TBC1D2: variants seen among roughly 807,000 people sequenced by gnomAD.
TBC1D2 encodes the protein TBC1 domain family member 2, also known as TBC1 domain family member 2A.
Under a neutral mutation model 91.1 loss-of-function variants are expected in TBC1D2, and 58 were observed. The observed-to-expected ratio is 0.64, with a 90% confidence interval of 0.52 to 0.79. The LOEUF (loss-of-function observed/expected upper bound fraction) is 0.79, where lower values mean the gene tolerates loss of function less well. Ranked by LOEUF, TBC1D2 falls within the 30% of genes least tolerant of loss-of-function variation. The probability of loss-of-function intolerance (pLI) is 0.00; values close to 1 mark genes in which losing one functional copy is unlikely to be tolerated. For missense variants in TBC1D2, 1,080 were observed against 1,208.3 expected (o/e 0.89, Z 1.57); for synonymous variants, 482 against 511.5 (o/e 0.94, Z 0.78).
chr9:98,230,888 A>G (rs1026388922), intron 4 of TBC1D2, among the ~76,000 whole-genome samples: 1 of 152,228 alleles, frequency 6.6e-6, no homozygotes, highest in Admixed American at 6.5e-5. Context: ...CTCAAAACAA[A>G]CGAACAAAAC....
rs778978870 is a variant in TBC1D2, at chr9:98,201,644, C to T, written c.2292G>A (p.Gln764=). 5.0e-6 allele frequency: 8 copies of T among 1,612,438 alleles called. No homozygotes were observed. The East Asian group carries it at 1.8e-4, about 36-fold the overall frequency. The part of the protein sequence containing the change: ...TASQVDQRVL[Q]DLLSEKLPRL... ...TGGGCAGCTTCTCCGAGAGCAGGTC[C>T]TGGAGCACCCGCTGGTCCACCTGGA... Residue 764 remains glutamine (Q), a synonymous_variant, in exon 11 of 13, where the codon CAG becomes CAA. Coordinates refer to ENST00000465784, the MANE Select transcript of TBC1D2 (RefSeq NM_001267571.2).
chr9:98,207,163 A>G (rs527595754), intron 9 of TBC1D2, among the ~76,000 whole-genome samples: 79 of 152,328 alleles, frequency 5.2e-4, no homozygotes, highest in Non-Finnish European at 9.4e-4. Flanking sequence ...GGAATTGTAC[A>G]TACACATGCT....
rs751295205 is a variant in TBC1D2 at position 98,221,135 on chromosome 9, G to A, written c.1072C>T (p.Arg358Trp). The change falls in exon 6 of 13, where the codon CGG becomes TGG. Residue 358 changes from arginine (R) to tryptophan (W), a missense_variant. Physicochemically the swap from Arg to Trp is moderately radical, Grantham distance 101 (BLOSUM62 -3). Coordinates refer to ENST00000465784, the MANE Select transcript of TBC1D2 (RefSeq NM_001267571.2). ...AYLAAAEDKD[R>W]LELVRHKVRQ... is the part of the protein sequence containing the mutation. ...ACTTTGTGCCGCACCAGCTCCAGCC[G>A]GTCCTTGTCCTCAGCCGCCGCCAGG... The A allele has an allele frequency of 8.2e-6, 13 of 1,587,522 alleles. No individual in the cohort carries two copies. Among genetic ancestry groups the A allele is most frequent in the Admixed American group, 3.6e-5 (2 of 55,418 alleles).
At chr9:98,230,250 A>T (rs1829334172) in intron 4 of TBC1D2, among the ~76,000 whole-genome samples, 1 of 152,186 alleles carries the variant, frequency 6.6e-6, no homozygotes, top group South Asian at 2.1e-4. Flanking sequence ...CTTATAAGAA[A>T]ATATGTTTTT....
chr9:98,203,234 A>C (rs1407998370), intron 10 of TBC1D2, 54 bp downstream of exon 10: 9 of 1,598,032 alleles, frequency 5.6e-6, no homozygotes, highest in Non-Finnish European at 7.7e-6. Flanking sequence ...TTCTAGGAAC[A>C]GCTCTGGGGC....
chr9:98,213,283 C>A, intron 6 of TBC1D2, 65 bp from the exon 7 acceptor site: 26 of 1,597,248 alleles, frequency 1.6e-5, no homozygotes, highest in Non-Finnish European at 2.1e-5. Context: ...TGGGGAGTCA[C>A]ACCCTCAAAT....
At chr9:98,233,588 C>T (rs1197827372) in intron 3 of TBC1D2, 39 bp from the exon 4 acceptor site, 2 of 1,607,316 alleles carry the variant, frequency 1.2e-6, no homozygotes, top group Non-Finnish European at 1.7e-6. Context: ...GAGGCTGAAC[C>T]CTGCCTTTCT....
In TBC1D2 at chr9:98,224,032, T is replaced by C. The variant is rs1207146196; in HGVS notation, c.979-2804A>G. 2.0e-5 allele frequency among the ~76,000 whole-genome samples: 3 copies of C among 151,904 alleles called. No homozygotes were observed. In the East Asian group the frequency reaches 5.9e-4, roughly 30 times the overall value. On this transcript the variant is annotated intron_variant, in intron 5 of 12. Transcript: ENST00000465784. ...GGCTAACATGGTGAAACCCCGTCTC[T>C]ACTAAAAATACAAAAAAATTAGCCA...
chr9:98,220,042 G>C (rs926138495), intron 6 of TBC1D2, among the ~76,000 whole-genome samples: 5 of 152,158 alleles, frequency 3.3e-5, no homozygotes, highest in African/African-American at 1.2e-4. Flanking sequence ...TGGTCCCTGT[G>C]GGGTGGGGAA....
At chr9:98,223,096 A>G (rs1256023631) in intron 5 of TBC1D2, among the ~76,000 whole-genome samples, 1 of 152,248 alleles carries the variant, frequency 6.6e-6, no homozygotes, top group East Asian at 1.9e-4. Flanking sequence ...GGGAATGAAC[A>G]TGACCCACCA....
In TBC1D2 at chr9:98,255,163, A is replaced by C; in HGVS notation, c.369+10T>G. 6.3e-7 allele frequency: 1 copy of C among 1,593,030 alleles called. No individual in the cohort carries two copies. The highest frequency in any genetic ancestry group is 8.6e-7 in the Non-Finnish European group (1 of 1,165,296). On this transcript the variant is annotated intron_variant, in intron 1 of 12. Transcript: ENST00000465784. ...CCGCTGGAAAGGAGAAAGTCGTTGC[A>C]GGAATTTACCTTCAGGGTAATAACC...
At chr9:98,234,393 G>C (rs1829451285) in intron 3 of TBC1D2, among the ~76,000 whole-genome samples, 1 of 152,160 alleles carries the variant, frequency 6.6e-6, no homozygotes, top group Non-Finnish European at 1.5e-5. Context: ...ACAGTTCAAG[G>C]AGTTTATTTT....
chr9:98,233,438 C>T lies in TBC1D2; in HGVS notation c.759G>A (p.Leu253=), dbSNP rs903433578. 1.5e-5 allele frequency: 25 copies of T among 1,613,914 alleles called. No homozygotes were observed. In the African/African-American group the frequency reaches 2.7e-4, roughly 17 times the overall value. ...CACCTGGGGTGCTGGCGTCAGAGGC[C>T]AAGGGCTGCTCCTCCCTCTGAGGCT... is the stretch of plus-strand genomic sequence containing the variant. ...SGEPQREEQP[L]ASDASTPGRE... Residue 253 remains leucine (L), a synonymous_variant, in exon 4 of 13, where the codon TTG becomes TTA. Coordinates refer to ENST00000465784, the MANE Select transcript of TBC1D2 (RefSeq NM_001267571.2).
intron 6 of TBC1D2, among the ~76,000 whole-genome samples, chr9:98,214,606 C>T (rs112438347): frequency 6.6e-6 from 1 of 151,500 alleles, no homozygotes; most frequent in Admixed American, 6.6e-5. Context: ...AGGATGACTC[C>T]GACGTGGCCA....
In TBC1D2 at chr9:98,240,829, C is replaced by A. The variant is rs80312870; in HGVS notation, c.647+3165G>T. Among the ~76,000 whole-genome samples, 811 of 152,336 alleles carry A rather than the reference C, an allele frequency of 5.3e-3. 4 individuals are homozygous for A. The highest frequency in any genetic ancestry group is 0.019 in the African/African-American group (780 of 41,566). ...TCCGGCTGGTCACCACCCAGCTAAA[C>A]CACTATGCTTGGAAGAGCTGTTTCC... On this transcript the variant is annotated intron_variant, in intron 3 of 12. Transcript: ENST00000465784.
At chr9:98,223,313 G>C (rs1829144643) in intron 5 of TBC1D2, among the ~76,000 whole-genome samples, 1 of 152,214 alleles carries the variant, frequency 6.6e-6, no homozygotes, top group South Asian at 2.1e-4. Context: ...TACAGCCCCA[G>C]TAAAGACCTG....
intron 3 of TBC1D2, among the ~76,000 whole-genome samples, chr9:98,243,692 A>G (rs757517895): frequency 1.3e-5 from 2 of 151,998 alleles, no homozygotes; most frequent in African/African-American, 4.8e-5. Context: ...ACCTGCCACC[A>G]TGCCCGGCTA....
chr9:98,236,820 G>C (rs1334658451), intron 3 of TBC1D2, among the ~76,000 whole-genome samples: 1 of 152,162 alleles, frequency 6.6e-6, no homozygotes, highest in African/African-American at 2.4e-5. Flanking sequence ...GATTCTACTT[G>C]ATGAGTATTA....
chr9:98,220,970 C>T lies in TBC1D2; in HGVS notation c.1237G>A (p.Ala413Thr), dbSNP rs1209212960. The T allele has an allele frequency of 3.7e-6, 6 of 1,614,198 alleles. No homozygotes were observed. Among genetic ancestry groups the T allele is most frequent in the East Asian group, 4.5e-5 (2 of 44,868 alleles). The change falls in exon 6 of 13, where the codon GCC (alanine) becomes ACC (threonine). Residue 413 changes from alanine (A) to threonine (T), a missense_variant. Physicochemically the swap from Ala to Thr is moderately conservative, Grantham distance 58. Transcript: ENST00000465784. Reference sequence around the variant, plus strand: ...AGCTTGCAGATGACCTGCTGCTTGGCGTGGTTCTTGTCCATAAGCAGCTGC... The same window carrying T: ...AGCTTGCAGATGACCTGCTGCTTGGTGTGGTTCTTGTCCATAAGCAGCTGC... ...HVQLLMDKNH[A>T]KQQVICKLSE...
Sources: allele counts gnomAD v4.1 joint callset (sites outside exome capture counted in the v4.1 genomes callset), GRCh38; gene constraint gnomAD v4.1.1; transcripts MANE v1.5; gene names NCBI Gene and HGNC (gene_info 2026-07-23, HGNC 2026-07-21).